Variants in FAM81A observed in about 807,000 individuals in gnomAD.
FAM81A encodes the protein protein FAM81A.
A neutral mutation model predicts 46.7 loss-of-function variants in FAM81A; 19 were observed. The observed-to-expected ratio is 0.41, with a 90% CI of 0.28 to 0.60. FAM81A has a LOEUF of 0.60. FAM81A is among the 20% of genes least tolerant of loss of function. The pLI is 0.34. For missense variants in FAM81A, 377 were observed against 453.5 expected (o/e 0.83, Z 1.53); for synonymous variants, 183 against 152.9 (o/e 1.20, Z -1.45).
chr15:59,520,904 G>A (rs528318885), intron 8 of FAM81A, among the ~76,000 whole-genome samples: 2 of 152,224 alleles, frequency 1.3e-5, no homozygotes, highest in East Asian at 3.9e-4. Context: ...GTGTATTTTG[G>A]TATTCTTTAA....
At chr15:59,446,328 C>A (rs2081354088) in intron 1 of FAM81A, 1 of 152,196 alleles carries the variant, frequency 6.6e-6, no homozygotes, top group African/African-American at 2.4e-5. Flanking sequence ...TAACATCATT[C>A]TAAGCTGTGG....
At chr15:59,435,574 C>T (rs960829478), upstream of FAM81A, among the ~76,000 whole-genome samples, 1 of 152,144 alleles carries the variant, frequency 6.6e-6, no homozygotes, top group Non-Finnish European at 1.5e-5. Flanking sequence ...GAGCCAAGAT[C>T]GAGAGCCTCT....
At chr15:59,419,805 T>C (rs1475010921) in intron 2 of FAM81A, among the ~76,000 whole-genome samples, 4 of 151,976 alleles carry the variant, frequency 2.6e-5, no homozygotes, top group African/African-American at 9.7e-5. Flanking sequence ...GAATCACTCC[T>C]GGAGCTGGAT....
At chr15:59,433,428 G>A (rs558065113), upstream of FAM81A, among the ~76,000 whole-genome samples, 1 of 152,038 alleles carries the variant, frequency 6.6e-6, no homozygotes. Context: ...ATTATTAAAA[G>A]GATCTTCTCA....
At chr15:59,500,488 G>A (rs1266889950) in intron 4 of FAM81A, among the ~76,000 whole-genome samples, 2 of 151,800 alleles carry the variant, frequency 1.3e-5, no homozygotes, top group Admixed American at 6.6e-5. Context: ...TATTTTTAGA[G>A]ACAGGGTCTC....
At chr15:59,502,361 T>G (rs2082101582) in intron 4 of FAM81A, among the ~76,000 whole-genome samples, 1 of 151,890 alleles carries the variant, frequency 6.6e-6, no homozygotes, top group Non-Finnish European at 1.5e-5. Context: ...CCCCAGAGTG[T>G]GATGTTCCCC....
chr15:59,469,918 C>CA (rs1399478357), intron 3 of FAM81A, among the ~76,000 whole-genome samples: 1 of 152,116 alleles, frequency 6.6e-6, no homozygotes, highest in Non-Finnish European at 1.5e-5. Context: ...CTGGTGGTGA[C>CA]AAAATCTCTC....
chr15:59,412,259 G>A (rs766444779), intron 2 of FAM81A, among the ~76,000 whole-genome samples: 2 of 152,184 alleles, frequency 1.3e-5, no homozygotes, highest in Non-Finnish European at 2.9e-5. Context: ...GCAGTTTAGT[G>A]TTTATGATGG....
At chr15:59,496,973 A>C (rs947540531) in intron 4 of FAM81A, among the ~76,000 whole-genome samples, 11 of 151,636 alleles carry the variant, frequency 7.3e-5, no homozygotes, top group African/African-American at 2.7e-4. Context: ...CAAAAAGACA[A>C]AAATTAGCTG....
In FAM81A at chr15:59,522,115, T is replaced by C. The variant is rs1219853854; in HGVS notation, c.*737T>C. 6.6e-6 allele frequency: 1 copy of C among 152,650 alleles called. No homozygotes were observed. Among genetic ancestry groups the C allele is most frequent in the African/African-American group, 2.4e-5 (1 of 41,466 alleles). The allele number at this position is 152,650 out of a possible 1,614,324, so 9.5% of individuals were successfully genotyped here. On this transcript the variant is annotated 3_prime_UTR_variant, in exon 9 of 9. Transcript: ENST00000288228. Reference sequence around the variant, plus strand: ...TTTGAATTATCCACAACCTGTATAGTGATAGCCATATATTTAATAATGGAA... The same window carrying C: ...TTTGAATTATCCACAACCTGTATAGCGATAGCCATATATTTAATAATGGAA...
In FAM81A at chr15:59,517,030, A is replaced by G. The variant is rs572770816; in HGVS notation, c.982+190A>G. 8.2e-4 allele frequency among the ~76,000 whole-genome samples: 125 copies of G among 152,304 alleles called. 1 individual carries two copies. The highest frequency in any genetic ancestry group is 3.4e-3 in the Middle Eastern group (1 of 294). On this transcript the variant is annotated intron_variant, in intron 8 of 8. Coordinates refer to ENST00000288228, the MANE Select transcript of FAM81A (RefSeq NM_152450.3). ...AATGCTGTTTGAATTTCAGCTATATAAAGAGCCACCGTGAGAGACAGGCAA... is the reference window on the plus strand; with the variant it reads ...AATGCTGTTTGAATTTCAGCTATATGAAGAGCCACCGTGAGAGACAGGCAA...
At chr15:59,516,562 GTTAAA>G (rs1567079487) in intron 7 of FAM81A, 78 bp from the exon 8 acceptor site, 21 of 1,393,262 alleles carry the variant, frequency 1.5e-5, no homozygotes, top group Non-Finnish European at 2.0e-5. Context: ...GCAGATTGTT[GTTAAA>G]CGATATTATG....
chr15:59,404,910 T>A (rs1040461740), intron 2 of FAM81A, among the ~76,000 whole-genome samples: 1 of 152,224 alleles, frequency 6.6e-6, no homozygotes, highest in Non-Finnish European at 1.5e-5. Flanking sequence ...ACCATCACCC[T>A]GAAATAATCT....
intron 2 of FAM81A, among the ~76,000 whole-genome samples, chr15:59,422,717 C>A (rs2081179469): frequency 1.3e-5 from 2 of 152,166 alleles, no homozygotes; most frequent in Admixed American, 1.3e-4. Flanking sequence ...ACCTCATGAT[C>A]TGTCTGTCTC....
rs547031567 is a variant in FAM81A, at chr15:59,460,360, A to G, written c.294+154A>G. On this transcript the variant is annotated intron_variant, in intron 3 of 8. Transcript: ENST00000288228. The surrounding 1 kb of genome is among the most constrained non-coding windows in gnomAD (Gnocchi z 4.4). ...TATTCTTAATGATCGCCAAGGAGAC[A>G]GCTTGCAGAAATATCCTAATTAAAT... The G allele has an allele frequency of 1.2e-4, 115 of 989,592 alleles. 1 individual carries two copies. Among genetic ancestry groups the G allele is most frequent in the Middle Eastern group, 8.2e-4 (4 of 4,874 alleles). 61.3% of individuals were successfully genotyped at this position (989,592 alleles called of 1,614,324 possible). A position where few individuals can be genotyped will look rare whatever the true frequency, so the allele number is the denominator to read the frequency against.
At chr15:59,465,848 C>A (rs551383277) in intron 3 of FAM81A, among the ~76,000 whole-genome samples, 1 of 152,264 alleles carries the variant, frequency 6.6e-6, no homozygotes, top group African/African-American at 2.4e-5. Flanking sequence ...CGCCCCCAGC[C>A]CCCCGTCCGC....
At chr15:59,446,665 T>C (rs2081357089) in intron 1 of FAM81A, 1 of 152,222 alleles carries the variant, frequency 6.6e-6, no homozygotes, top group Non-Finnish European at 1.5e-5. Context: ...ATATCTGCTC[T>C]GGGACCCCAT....
intron 1 of FAM81A, chr15:59,401,858 A>G: frequency 1.3e-6 from 1 of 749,518 alleles, no homozygotes; most frequent in Admixed American, 1.9e-5. Context: ...GTTTATGGTA[A>G]GGCTTAGCCT....
intron 1 of FAM81A, among the ~76,000 whole-genome samples, chr15:59,444,629 C>A (rs1264098203): frequency 6.6e-6 from 1 of 152,170 alleles, no homozygotes; most frequent in African/African-American, 2.4e-5. Flanking sequence ...CCTCCTCTCT[C>A]TCCTCTGCTG....
Sources: gnomAD v4.1 joint callset for allele counts (sites outside exome capture counted in the v4.1 genomes callset) on GRCh38, gnomAD v4.1.1 for gene constraint, Gnocchi (gnomAD v3.1) non-coding constraint, MANE v1.5 for transcripts, NCBI Gene and HGNC (gene_info 2026-07-23, HGNC 2026-07-21) for gene names.